The following DTL variants were observed in gnomAD, a reference collection of about 807,000 sequenced individuals.
DTL encodes denticleless E3 ubiquitin protein ligase adapter, also known as denticleless protein homolog.
A neutral mutation model predicts 87.0 loss-of-function variants in DTL; 46 were observed. The ratio of observed to expected loss-of-function variants is 0.53; its 90% CI spans 0.42 to 0.68. DTL has a LOEUF of 0.68. Ranked by LOEUF, DTL falls within the 30% of genes least tolerant of loss-of-function variation. The pLI is 0.00. For missense variants in DTL, 737 were observed against 869.4 expected (o/e 0.85, Z 1.91); for synonymous variants, 308 against 311.2 (o/e 0.99, Z 0.11).
chr1:212,087,701 G>A (rs1287400221), intron 13 of DTL, among the ~76,000 whole-genome samples: 1 of 152,148 alleles, frequency 6.6e-6, no homozygotes, highest in Non-Finnish European at 1.5e-5. Flanking sequence ...TCAAAGGCTG[G>A]CACACTGACC....
rs1357187497 is a variant in DTL at position 212,035,805 on chromosome 1, T to G, written c.-86T>G. On this transcript the variant is annotated 5_prime_UTR_variant, in exon 1 of 15. Coordinates refer to ENST00000366991, the MANE Select transcript of DTL (RefSeq NM_016448.4). Reference sequence around the variant, plus strand: ...AGTTGGAGGCGATAACGATTTGTGTTGTGAGAGGCGCAAGCTGCGATTTCT... The same window carrying G: ...AGTTGGAGGCGATAACGATTTGTGTGGTGAGAGGCGCAAGCTGCGATTTCT... 2 of 1,341,692 alleles carry G rather than the reference T, an allele frequency of 1.5e-6. No individual in the cohort carries two copies. Among genetic ancestry groups the G allele is most frequent in the Non-Finnish European group, 1.1e-6 (1 of 945,322 alleles). The allele number at this position is 1,341,692 out of a possible 1,614,324, so 83.1% of individuals were successfully genotyped here.
Position 212,092,904 on chromosome 1 carries a change from TTCC to T in DTL, c.1262-7347_1262-7345del. Among the ~76,000 whole-genome samples, 3 of 152,294 alleles carry T rather than the reference TTCC, an allele frequency of 2.0e-5. No individual in the cohort carries two copies. The East Asian group carries it at 5.8e-4, about 29-fold the overall frequency. On this transcript the variant is annotated intron_variant, in intron 13 of 14. Transcript: ENST00000366991. Reference sequence around the variant, plus strand: ...CACCAGCAGTGTAAAAGTGTTCCCTTTCCACCACATCCACCCCAATGATGGCCA... The same window carrying T: ...CACCAGCAGTGTAAAAGTGTTCCCTTACCACATCCACCCCAATGATGGCCA...
At position 212,104,704 on chromosome 1, in the gene DTL, G is replaced by C. The variant is rs1056633633; in HGVS notation, c.*1764G>C. ...ATTTGGCTGTCAGAAATTATACCGA[G>C]TCTACTGGGTATAACATGTCTCACT... On this transcript the variant is annotated 3_prime_UTR_variant, in exon 15 of 15. Transcript: ENST00000366991. 2 of 152,160 alleles carry C rather than the reference G, an allele frequency of 1.3e-5. No homozygotes were observed. Among genetic ancestry groups the C allele is most frequent in the African/African-American group, 4.8e-5 (2 of 41,442 alleles). The allele number at this position is 152,160 out of a possible 1,614,324, so 9.4% of individuals were successfully genotyped here.
intron 5 of DTL, among the ~76,000 whole-genome samples, chr1:212,047,957 T>C (rs1667854951): frequency 6.6e-6 from 1 of 152,258 alleles, no homozygotes; most frequent in Non-Finnish European, 1.5e-5. Context: ...TAAGTTTTTC[T>C]GTAATCTTGC....
intron 13 of DTL, among the ~76,000 whole-genome samples, chr1:212,084,594 C>T (rs910223194): frequency 2.0e-5 from 3 of 152,168 alleles, no homozygotes; most frequent in African/African-American, 7.2e-5. Flanking sequence ...TCATAGTTTC[C>T]CTTTCCCAGA....
At chr1:212,046,256 C>A (rs999454421) in intron 3 of DTL, among the ~76,000 whole-genome samples, 2 of 152,098 alleles carry the variant, frequency 1.3e-5, no homozygotes, top group African/African-American at 4.8e-5. Flanking sequence ...CCAAAGGGTG[C>A]TGACTACTGA....
chr1:212,101,088 A>G lies in DTL; in HGVS notation c.2094+4A>G. ...CGGAAAGAAATTGCCAAGCCCGGTAAGTCAGCAGTGGTGGGAAGATACATT... is the reference window on the plus strand; with the variant it reads ...CGGAAAGAAATTGCCAAGCCCGGTAGGTCAGCAGTGGTGGGAAGATACATT... On this transcript the variant is annotated splice_donor_region_variant and intron_variant, in intron 14 of 14. Coordinates refer to ENST00000366991, the MANE Select transcript of DTL (RefSeq NM_016448.4). 3.1e-6 allele frequency: 5 copies of G among 1,593,456 alleles called. No individual in the cohort carries two copies. The highest frequency in any genetic ancestry group is 4.3e-6 in the Non-Finnish European group (5 of 1,169,358).
At position 212,078,268 on chromosome 1, in the gene DTL, T is replaced by A. The variant is rs1654891846; in HGVS notation, c.1125+6T>A. 2 of 1,549,984 alleles carry A rather than the reference T, an allele frequency of 1.3e-6. No individual in the cohort carries two copies. Among genetic ancestry groups the A allele is most frequent in the African/African-American group, 1.4e-5 (1 of 73,494 alleles). ...GTCCATCTGACTTCACAAAGGTTTG[T>A]AAATGAATCTCTATAGTTGGTTTAA... On this transcript the variant is annotated splice_donor_region_variant and intron_variant, in intron 12 of 14. Coordinates refer to ENST00000366991, the MANE Select transcript of DTL (RefSeq NM_016448.4).
chr1:212,078,342 G>T (rs992843132), intron 12 of DTL, 80 bp downstream of exon 12: 5 of 903,386 alleles, frequency 5.5e-6, no homozygotes, highest in African/African-American at 5.1e-5. Flanking sequence ...TTTTGAGAAT[G>T]ATATAAATTT....
chr1:212,064,055 G>C (rs1475844139), intron 6 of DTL, among the ~76,000 whole-genome samples: 1 of 151,776 alleles, frequency 6.6e-6, no homozygotes, highest in Non-Finnish European at 1.5e-5. Context: ...ACCACTCCCA[G>C]CTAGTTATGT....
intron 11 of DTL, among the ~76,000 whole-genome samples, chr1:212,072,554 ACT>A (rs1320092970): frequency 1.3e-5 from 2 of 152,104 alleles, no homozygotes; most frequent in Admixed American, 1.3e-4. Context: ...ATGTTTTCAA[ACT>A]CTCGTTCAGA....
chr1:212,060,421 C>T (rs1489766297), intron 5 of DTL, among the ~76,000 whole-genome samples: 1 of 152,018 alleles, frequency 6.6e-6, no homozygotes, highest in African/African-American at 2.4e-5. Context: ...TGAAACTGTA[C>T]CTCTATCTCA....
Position 212,100,693 on chromosome 1 carries a change from T to G in DTL, c.1703T>G (p.Val568Gly). Residue 568 changes from valine (V) to glycine (G), a missense_variant, in exon 14 of 15, where the codon GTG becomes GGG. By Grantham distance (109) the Val-to-Gly change is moderately radical. Coordinates refer to ENST00000366991, the MANE Select transcript of DTL (RefSeq NM_016448.4). ...SCLESVKQKCVKSCNCVTELD... is the reference protein window; with the variant it reads ...SCLESVKQKCGKSCNCVTELD... ...CTGGAGAGTGTGAAACAAAAGTGTG[T>G]GAAGAGTTGTAACTGTGTGACTGAG... 2 of 1,614,092 alleles carry G rather than the reference T, an allele frequency of 1.2e-6. No individual in the cohort carries two copies. The highest frequency in any genetic ancestry group is 1.7e-6 in the Non-Finnish European group (2 of 1,180,018).
chr1:212,061,196 G>A (rs908914412), intron 5 of DTL, among the ~76,000 whole-genome samples: 15 of 151,502 alleles, frequency 9.9e-5, no homozygotes, highest in African/African-American at 3.6e-4. Context: ...AGCCCTGAGC[G>A]GTGATTACAT....
chr1:212,050,418 C>T (rs538923474), intron 5 of DTL, among the ~76,000 whole-genome samples: 1 of 152,234 alleles, frequency 6.6e-6, no homozygotes, highest in East Asian at 1.9e-4. Context: ...CTTTGTGTGG[C>T]AAAAGGGCAG....
At position 212,068,323 on chromosome 1, in the gene DTL, A is replaced by C. The variant is rs1394557895; in HGVS notation, c.813A>C (p.Lys271Asn). The change falls in exon 9 of 15, where the codon AAA becomes AAC. Residue 271 changes from lysine (K) to asparagine (N), a missense_variant. Transcript: ENST00000366991. ...TGTACCCAGGTAGCAGCACTCGAAA[A>C]CTTGGTAAGCCTTTAATAGGTCTTT... ...SFLYPGSSTR[K>N]LGYSSLILDS... The C allele has an allele frequency of 6.2e-7, 1 of 1,603,584 alleles. No homozygotes were observed. Among genetic ancestry groups the C allele is most frequent in the South Asian group, 1.1e-5 (1 of 89,004 alleles).
intron 13 of DTL, among the ~76,000 whole-genome samples, chr1:212,085,196 T>TAG (rs1214410108): frequency 6.6e-6 from 1 of 152,230 alleles, no homozygotes; most frequent in Non-Finnish European, 1.5e-5. Flanking sequence ...ACTCAAGATA[T>TAG]AGAGAGTCAA....
Position 212,103,953 on chromosome 1 carries a change from A to G in DTL, c.*1013A>G, listed in dbSNP as rs1655698686. The stretch of plus-strand genomic sequence containing the variant: ...TGAGTTTCTTTTCATGTACATAAAA[A>G]GCAATAGCCTTTTAGTATAGATAGC... On this transcript the variant is annotated 3_prime_UTR_variant, in exon 15 of 15. Coordinates refer to ENST00000366991, the MANE Select transcript of DTL (RefSeq NM_016448.4). 1 of 152,238 alleles carries G rather than the reference A, an allele frequency of 6.6e-6. No individual in the cohort carries two copies. Among genetic ancestry groups the G allele is most frequent in the South Asian group, 2.1e-4 (1 of 4,828 alleles). The allele number at this position is 152,238 out of a possible 1,614,324, so 9.4% of individuals were successfully genotyped here.
intron 5 of DTL, chr1:212,052,068 G>A (rs954150177): frequency 7.7e-6 from 7 of 905,456 alleles, no homozygotes; most frequent in African/African-American, 3.3e-5. Flanking sequence ...GAAATTCTGG[G>A]TCAACAGCTT....
Sources: allele counts gnomAD v4.1 joint callset (sites outside exome capture counted in the v4.1 genomes callset), GRCh38; gene constraint gnomAD v4.1.1; transcripts MANE v1.5; gene names NCBI Gene and HGNC (gene_info 2026-07-23, HGNC 2026-07-21).